TCN1: variants seen among roughly 807,000 people sequenced by gnomAD.
TCN1 encodes the protein transcobalamin-1.
In TCN1, 47 loss-of-function variants were observed where a neutral mutation model predicts 46.3. The ratio of observed to expected loss-of-function variants is 1.01; its 90% confidence interval spans 0.80 to 1.29. The LOEUF is 1.29. TCN1 is among the 50% of genes most tolerant of loss of function. The probability of loss-of-function intolerance (pLI) is 0.00; values close to 1 mark genes in which losing one functional copy is unlikely to be tolerated. For missense variants in TCN1, 532 were observed against 511.0 expected, an observed-to-expected ratio of 1.04 and a Z score of -0.40; for synonymous variants, 183 against 192.5, an observed-to-expected ratio of 0.95 and a Z score of 0.41.
intron 5 of TCN1, among the ~76,000 whole-genome samples, chr11:59,858,354 C>A (rs1030208535): frequency 1.3e-5 from 2 of 152,090 alleles, no homozygotes; most frequent in African/African-American, 4.8e-5. Flanking sequence ...TGAAATTTTC[C>A]ATTTAATATT....
intron 5 of TCN1, among the ~76,000 whole-genome samples, chr11:59,858,432 A>G (rs1401373025): frequency 6.6e-6 from 1 of 152,210 alleles, no homozygotes; most frequent in Non-Finnish European, 1.5e-5. Flanking sequence ...TGGGGGGACT[A>G]CTGTGTGTGT....
chr11:59,857,285 A>T (rs1852954757), intron 5 of TCN1, among the ~76,000 whole-genome samples: 1 of 152,092 alleles, frequency 6.6e-6, no homozygotes, highest in African/African-American at 2.4e-5. Context: ...CCACCTCTAA[A>T]TTTCTGTACT....
At chr11:59,859,496 A>G (rs1590866352) in intron 4 of TCN1, among the ~76,000 whole-genome samples, 1 of 152,228 alleles carries the variant, frequency 6.6e-6, no homozygotes, top group Admixed American at 6.5e-5. Context: ...TTCAGTTGCC[A>G]TGTACTCCAT....
chr11:59,865,939 C>T (rs561557310), intron 1 of TCN1, among the ~76,000 whole-genome samples: 27 of 152,224 alleles, frequency 1.8e-4, no homozygotes, highest in East Asian at 1.2e-3. Flanking sequence ...AGACAGCAGT[C>T]ATCACTATTT....
rs115485092 is a variant in TCN1, at chr11:59,864,272, T to A, written c.80-186A>T. On this transcript the variant is annotated intron_variant, in intron 1 of 8. Transcript: ENST00000257264. ...AACCCACCCCCATGCCAGACATTAC[T>A]CCTTTAACAACCAACATGAAAATGT... 1.0e-2 allele frequency among the ~76,000 whole-genome samples: 1,517 copies of A among 152,282 alleles called. 21 individuals carry two copies. The highest frequency in any genetic ancestry group is 0.035 in the African/African-American group (1,452 of 41,570).
At chr11:59,856,785 C>G (rs1852948305) in intron 5 of TCN1, among the ~76,000 whole-genome samples, 1 of 152,128 alleles carries the variant, frequency 6.6e-6, no homozygotes, top group Non-Finnish European at 1.5e-5. Context: ...GATGTCTGAC[C>G]TCATTTGATT....
At position 59,859,203 on chromosome 11, in the gene TCN1, G is replaced by A; in HGVS notation, c.621C>T (p.Ile207=). 1 of 1,613,826 alleles carries A rather than the reference G, an allele frequency of 6.2e-7. No individual in the cohort carries two copies. The highest frequency in any genetic ancestry group is 1.1e-5 in the South Asian group (1 of 91,068). Residue 207 remains isoleucine (I), a synonymous_variant, in exon 5 of 9, where the codon ATC becomes ATT. Transcript: ENST00000257264. ...TCTTTAAACTGCCTTCATCTGCTTT[G>A]ATCTGCCCATTTATTAGACTCTTCT... ...CVKKSLINGQ[I]KADEGSLKNI... is the part of the protein sequence containing the mutation.
chr11:59,861,648 G>A lies in TCN1; in HGVS notation c.435C>T (p.Tyr145=), dbSNP rs138039577. 15 of 1,614,014 alleles carry A rather than the reference G, an allele frequency of 9.3e-6. No individual in the cohort carries two copies. The highest frequency in any genetic ancestry group is 6.7e-5 in the African/African-American group (5 of 74,924). Residue 145 remains tyrosine (Y), a synonymous_variant, in exon 4 of 9, where the codon TAC becomes TAT. Transcript: ENST00000257264. ...AGGCCAAAACGTCCAGGCTGAGCTGGTAGTAGTTAGTCAGGGGAGTGCCAT... is the reference window on the plus strand; with the variant it reads ...AGGCCAAAACGTCCAGGCTGAGCTGATAGTAGTTAGTCAGGGGAGTGCCAT... ...AHNGTPLTNY[Y]QLSLDVLALC... is the part of the protein sequence containing the mutation.
chr11:59,864,436 G>A (rs1853051828), intron 1 of TCN1, among the ~76,000 whole-genome samples: 1 of 152,156 alleles, frequency 6.6e-6, no homozygotes, highest in Admixed American at 6.6e-5. Flanking sequence ...ATTGGAGGCT[G>A]AGCTGAAACT....
chr11:59,854,616 G>A lies in TCN1; in HGVS notation c.1121+36C>T, dbSNP rs757177425. The A allele has an allele frequency of 9.4e-6, 15 of 1,601,516 alleles. No homozygotes were observed. In the East Asian group the frequency reaches 3.3e-4, roughly 36 times the overall value. On this transcript the variant is annotated intron_variant, in intron 7 of 8. Transcript: ENST00000257264. ...TCTTACTGCATCTTTAGAAATGACA[G>A]CAAACATCTTAACCTTAGGTTAGGT... is the stretch of plus-strand genomic sequence containing the variant.
rs542315822 is a variant in TCN1, at chr11:59,864,212, A to C, written c.80-126T>G. The C allele has an allele frequency of 2.7e-4, 293 of 1,086,308 alleles. 3 individuals carry two copies. The highest frequency in any genetic ancestry group is 2.4e-3 in the South Asian group (186 of 76,602). 67.3% of individuals were successfully genotyped at this position (1,086,308 alleles called of 1,614,324 possible). A position where few individuals can be genotyped will look rare whatever the true frequency, so the allele number is the denominator to read the frequency against. On this transcript the variant is annotated intron_variant, in intron 1 of 8. Transcript: ENST00000257264. ...ACCTAGACCAATCCAGTGGCTGCAG[A>C]CTGTGTTGGTGGAATAATACAAAGG...
chr11:59,853,411 A>C, intron 7 of TCN1, 90 bp from the exon 8 acceptor site: 1 of 1,135,964 alleles, frequency 8.8e-7, no homozygotes, highest in Non-Finnish European at 1.3e-6. Context: ...GTACCTGAGA[A>C]TCACTTGATG....
Position 59,855,913 on chromosome 11 carries a change from G to A in TCN1, c.893C>T (p.Thr298Ile), listed in dbSNP as rs777235982. The change falls in exon 6 of 9, where the codon ACC (threonine) becomes ATC (isoleucine). Residue 298 changes from threonine to isoleucine, a missense_variant. Thr to Ile is a moderately conservative substitution (Grantham distance 89, BLOSUM62 -1). Transcript: ENST00000257264. ...AQVLPALMGK[T>I]FLDINKDSSC... The stretch of plus-strand genomic sequence containing the variant: ...AGAGTCTTTGTTAATATCCAAGAAG[G>A]TCTTTCCCATCAGGGCAGGTAAGAC... 6.2e-7 allele frequency: 1 copy of A among 1,613,890 alleles called. No homozygotes were observed. The highest frequency in any genetic ancestry group is 1.1e-5 in the South Asian group (1 of 91,078).
rs763549157 is a variant in TCN1, at chr11:59,853,308, C to A, written c.1135G>T (p.Glu379Ter). ...NDTIFGFTME[E>*]RSWGPYITCI... Reference sequence around the variant, plus strand: ...GTGATATAGGGCCCCCATGAGCGCTCCTCCATTGTGAAACTGTGGGTGACA... The same window carrying A: ...GTGATATAGGGCCCCCATGAGCGCTACTCCATTGTGAAACTGTGGGTGACA... The change falls in exon 8 of 9, where the codon GAG becomes TAG. Residue 379 changes from glutamate to a stop codon, truncating the protein, a stop_gained. Transcript: ENST00000257264. LOFTEE classifies it high-confidence loss of function. 21 of 1,614,032 alleles carry A rather than the reference C, an allele frequency of 1.3e-5. No individual in the cohort carries two copies. Among genetic ancestry groups the A allele is most frequent in the Non-Finnish European group, 1.8e-5 (21 of 1,179,968 alleles).
intron 1 of TCN1, 112 bp downstream of exon 1, chr11:59,866,280 A>G: frequency 9.2e-7 from 1 of 1,087,644 alleles, no homozygotes; most frequent in Non-Finnish European, 1.4e-6. Flanking sequence ...GAGTCCAACC[A>G]CATACGAAAC....
At chr11:59,865,149 GTTTTC>G (rs2135111857) in intron 1 of TCN1, among the ~76,000 whole-genome samples, 1 of 152,190 alleles carries the variant, frequency 6.6e-6, no homozygotes, top group South Asian at 2.1e-4. Context: ...CTCTTGCCCA[GTTTTC>G]TTTACTTTAA....
rs200465887 is a variant in TCN1 at position 59,862,723 on chromosome 11, C to G, written c.260-1G>C. The G allele has an allele frequency of 3.7e-6, 6 of 1,613,394 alleles. No homozygotes were observed. The highest frequency in any genetic ancestry group is 1.7e-5 in the Admixed American group (1 of 60,010). ...AGCTCTCCCGAGCTTACATCTGACACTGAAAAGAAAAGTATTCAAGCTTAA... is the reference window on the plus strand; with the variant it reads ...AGCTCTCCCGAGCTTACATCTGACAGTGAAAAGAAAAGTATTCAAGCTTAA... On this transcript the variant is annotated splice_acceptor_variant, in intron 2 of 8. Transcript: ENST00000257264. LOFTEE classifies it high-confidence loss of function.
intron 1 of TCN1, 63 bp from the exon 2 acceptor site, chr11:59,864,149 G>A: frequency 6.4e-7 from 1 of 1,556,858 alleles, no homozygotes; most frequent in South Asian, 1.1e-5. Flanking sequence ...CTTGCAGCAG[G>A]GGTTATATAA....
intron 3 of TCN1, among the ~76,000 whole-genome samples, chr11:59,862,210 G>T (rs542740592): frequency 6.6e-6 from 1 of 152,164 alleles, no homozygotes; most frequent in Admixed American, 6.5e-5. Flanking sequence ...GTATATTTTG[G>T]TACTTATGAC....
Sources: gnomAD v4.1 joint callset for allele counts (sites outside exome capture counted in the v4.1 genomes callset) on GRCh38, gnomAD v4.1.1 for gene constraint, MANE v1.5 for transcripts, NCBI Gene and HGNC (gene_info 2026-07-23, HGNC 2026-07-21) for gene names.